Variants in PRKCI observed in about 807,000 individuals in gnomAD.
PRKCI encodes the protein protein kinase C iota type.
In PRKCI, 43 loss-of-function variants were observed where a neutral mutation model predicts 84.0. The observed-to-expected ratio is 0.51, with a 90% confidence interval of 0.40 to 0.66. PRKCI has a LOEUF of 0.66. PRKCI is among the 30% of genes least tolerant of loss of function. The pLI is 0.00. For missense variants in PRKCI, 459 were observed against 745.6 expected (o/e 0.62, Z 4.48); for synonymous variants, 216 against 234.4 (o/e 0.92, Z 0.72).
At chr3:170,300,366 T>G (rs914012526) in intron 17 of PRKCI, among the ~76,000 whole-genome samples, 6 of 152,224 alleles carry the variant, frequency 3.9e-5, no homozygotes, top group African/African-American at 1.4e-4. Flanking sequence ...AAGACTCTCC[T>G]TTACAAGGGG....
chr3:170,250,371 A>G (rs116578088), intron 2 of PRKCI, among the ~76,000 whole-genome samples: 3 of 150,656 alleles, frequency 2.0e-5, no homozygotes, highest in Admixed American at 6.6e-5. Context: ...ATTGGTTTTT[A>G]GTATAATCAC....
At chr3:170,286,472 T>G (rs1734393367) in intron 12 of PRKCI, among the ~76,000 whole-genome samples, 1 of 140,008 alleles carries the variant, frequency 7.1e-6, no homozygotes, top group Admixed American at 7.3e-5. Flanking sequence ...GTGCACAAAT[T>G]AAAACAATGA....
At chr3:170,298,216 T>C (rs1161295033) in intron 16 of PRKCI, among the ~76,000 whole-genome samples, 3 of 151,938 alleles carry the variant, frequency 2.0e-5, no homozygotes, top group Admixed American at 6.6e-5. Context: ...GTAATGTTAT[T>C]AAGGCCCATA....
intron 2 of PRKCI, among the ~76,000 whole-genome samples, chr3:170,252,734 G>C (rs1269954502): frequency 2.0e-5 from 3 of 151,868 alleles, no homozygotes; most frequent in African/African-American, 7.3e-5. Context: ...GAGACTACAG[G>C]CTTGAGCCAC....
intron 17 of PRKCI, among the ~76,000 whole-genome samples, chr3:170,301,499 T>C (rs1734818586): frequency 6.6e-6 from 1 of 152,180 alleles, no homozygotes; most frequent in African/African-American, 2.4e-5. Flanking sequence ...TTTCTATTGT[T>C]CTCAATCAGT....
chr3:170,295,500 A>C (rs1320203880), intron 14 of PRKCI, among the ~76,000 whole-genome samples: 1 of 151,976 alleles, frequency 6.6e-6, no homozygotes, highest in Non-Finnish European at 1.5e-5. Context: ...AGCATGGTGA[A>C]ACCCCATCTC....
At chr3:170,239,273 A>T (rs919979905) in intron 2 of PRKCI, among the ~76,000 whole-genome samples, 1 of 152,190 alleles carries the variant, frequency 6.6e-6, no homozygotes, top group African/African-American at 2.4e-5. Context: ...CTACCCTATC[A>T]CAAAGATAGT....
At chr3:170,227,327 G>A (rs1203820035) in intron 1 of PRKCI, among the ~76,000 whole-genome samples, 2 of 152,318 alleles carry the variant, frequency 1.3e-5, no homozygotes, top group African/African-American at 2.4e-5. Flanking sequence ...TGATGCTGTC[G>A]TAGGCACAGA....
At chr3:170,235,451 G>A (rs550392317) in intron 2 of PRKCI, 100 bp downstream of exon 2, 1 of 1,276,958 alleles carries the variant, frequency 7.8e-7, no homozygotes, top group Admixed American at 2.3e-5. Flanking sequence ...TAAGAGGAAA[G>A]ACTATTAGAA....
chr3:170,260,927 C>T (rs777330567), intron 3 of PRKCI, among the ~76,000 whole-genome samples: 15 of 152,068 alleles, frequency 9.9e-5, no homozygotes, highest in Non-Finnish European at 1.8e-4. Flanking sequence ...TTCAACTATG[C>T]TAACCATCAA....
chr3:170,274,039 G>C (rs1487697723), intron 7 of PRKCI, among the ~76,000 whole-genome samples: 1 of 151,722 alleles, frequency 6.6e-6, no homozygotes, highest in African/African-American at 2.4e-5. Flanking sequence ...TTTCTTTTGA[G>C]ACGCCTTTAA....
rs180938721 is a variant in PRKCI, at chr3:170,268,121, A to T, written c.450+121A>T. On this transcript the variant is annotated intron_variant, in intron 5 of 17. Coordinates refer to ENST00000295797, the MANE Select transcript of PRKCI (RefSeq NM_002740.6). ...CACTTTTAAATACATAAGTAGCATG[A>T]CCTTACATTTCCAGTTTGCCTGAGG... The T allele has an allele frequency of 2.2e-5, 16 of 723,034 alleles. No individual in the cohort carries two copies. In the East Asian group the frequency reaches 4.8e-4, roughly 21 times the overall value. The allele number at this position is 723,034 out of a possible 1,614,324, so 44.8% of individuals were successfully genotyped here.
At chr3:170,256,069 G>A (rs1733575779) in intron 2 of PRKCI, among the ~76,000 whole-genome samples, 1 of 152,122 alleles carries the variant, frequency 6.6e-6, no homozygotes, top group Admixed American at 6.5e-5. Context: ...ATGTGTTGTT[G>A]AATTCAGTTT....
chr3:170,235,754 C>T (rs1363901081), intron 2 of PRKCI, among the ~76,000 whole-genome samples: 3 of 151,522 alleles, frequency 2.0e-5, no homozygotes, highest in South Asian at 4.2e-4. Flanking sequence ...TTAGTAGAGA[C>T]GGGGGTTTCG....
rs763427114 is a variant in PRKCI, at chr3:170,222,716, G to A, written c.47G>A (p.Gly16Asp). ...DSSTMSHTVA[G>D]GGSGDHSHQV... Reference sequence around the variant, plus strand: ...AGCACCATGTCCCACACGGTCGCAGGCGGCGGCAGCGGGGACCATTCCCAC... The same window carrying A: ...AGCACCATGTCCCACACGGTCGCAGACGGCGGCAGCGGGGACCATTCCCAC... The change falls in exon 1 of 18, where the codon GGC (glycine) becomes GAC (aspartate). Residue 16 changes from glycine to aspartate, a missense_variant. Physicochemically the swap from Gly to Asp is moderately conservative, Grantham distance 94. Around this residue, in one of 2 missense-constraint regions of PRKCI, gnomAD observed 250 missense variants for 319.7 expected, o/e 0.78. Transcript: ENST00000295797. The A allele has an allele frequency of 6.2e-6, 10 of 1,610,876 alleles. No individual in the cohort carries two copies. The highest frequency in any genetic ancestry group is 7.6e-6 in the Non-Finnish European group (9 of 1,179,232).
At position 170,222,530 on chromosome 3, in the gene PRKCI, C is replaced by A; in HGVS notation, c.-140C>A. 1 of 698,574 alleles carries A rather than the reference C, an allele frequency of 1.4e-6. No homozygotes were observed. The highest frequency in any genetic ancestry group is 3.4e-5 in the East Asian group (1 of 29,594). 43.3% of individuals were successfully genotyped at this position (698,574 alleles called of 1,614,324 possible). On this transcript the variant is annotated 5_prime_UTR_variant, in exon 1 of 18. Transcript: ENST00000295797. ...TGCTCCGGCGAGGCGACCCTTGGGT[C>A]GGCGCTGCGGGCGAGGTGGGCAGGT...
chr3:170,252,436 C>A (rs370655280), intron 2 of PRKCI, among the ~76,000 whole-genome samples: 4 of 151,952 alleles, frequency 2.6e-5, no homozygotes, highest in Non-Finnish European at 5.9e-5. Context: ...AATCATGTTG[C>A]GTAAATGGGA....
Position 170,233,434 on chromosome 3 carries a change from G to T in PRKCI, c.102-1796G>T, listed in dbSNP as rs528287429. Among the ~76,000 whole-genome samples, 9 of 152,200 alleles carry T rather than the reference G, an allele frequency of 5.9e-5. 1 individual carries two copies. In the South Asian group the frequency reaches 6.2e-4, roughly 11 times the overall value. On this transcript the variant is annotated intron_variant, in intron 1 of 17. Coordinates refer to ENST00000295797, the MANE Select transcript of PRKCI (RefSeq NM_002740.6). ...GATTATATTCTGTTGAGGATCAGTGGTAAAATAATTTATGCTAGTGCTGAA... is the reference window on the plus strand; with the variant it reads ...GATTATATTCTGTTGAGGATCAGTGTTAAAATAATTTATGCTAGTGCTGAA...
At chr3:170,263,168 CAAAA>C (rs10592710) in intron 3 of PRKCI, among the ~76,000 whole-genome samples, 1 of 142,596 alleles carries the variant, frequency 7.0e-6, no homozygotes, top group Non-Finnish European at 1.5e-5. Flanking sequence ...AACTCTGTCT[CAAAA>C]AAAAAAAAAA....
Sources: allele counts gnomAD v4.1 joint callset (sites outside exome capture counted in the v4.1 genomes callset), GRCh38; gene constraint gnomAD v4.1.1; regional missense constraint gnomAD v4.1.1; transcripts MANE v1.5; gene names NCBI Gene and HGNC (gene_info 2026-07-23, HGNC 2026-07-21).